Variants in CAPN2 observed in about 807,000 individuals in gnomAD.
CAPN2 encodes calpain-2 catalytic subunit.
CAPN2 carries 92 observed loss-of-function variants against 102.3 expected under a neutral mutation model. The ratio of observed to expected loss-of-function variants is 0.90; its 90% CI spans 0.76 to 1.07. The LOEUF is 1.07. Among genes scored for constraint, CAPN2 ranks in the 50% least tolerant of loss-of-function variants. CAPN2 has a pLI of 0.00. For synonymous variants in CAPN2, 340 were observed against 355.4 expected, an observed-to-expected ratio of 0.96 and a Z score of 0.49; for missense variants, 800 against 909.4, an observed-to-expected ratio of 0.88 and a Z score of 1.55.
At chr1:223,702,047 GA>G (rs1490169850) in intron 1 of CAPN2, among the ~76,000 whole-genome samples, 4 of 57,156 alleles carry the variant, frequency 7.0e-5, no homozygotes, top group African/African-American at 1.2e-4. Flanking sequence ...GGGAGGGAGG[GA>G]AGAAGGAAGG....
At chr1:223,716,996 A>C (rs1048355920) in intron 1 of CAPN2, among the ~76,000 whole-genome samples, 3 of 152,148 alleles carry the variant, frequency 2.0e-5, no homozygotes, top group Non-Finnish European at 4.4e-5. Flanking sequence ...TGGACACGTC[A>C]CTTCACCTTT....
At chr1:223,761,740 G>A in intron 13 of CAPN2, 123 bp downstream of exon 13, 3 of 798,704 alleles carry the variant, frequency 3.8e-6, no homozygotes, top group Non-Finnish European at 6.2e-6. Context: ...ATAAAGCCGG[G>A]TACTGGGAAT....
At position 223,759,959 on chromosome 1, in the gene CAPN2, T is replaced by C. The variant is rs902448363; in HGVS notation, c.1529+478T>C. 3.3e-5 allele frequency among the ~76,000 whole-genome samples: 5 copies of C among 152,102 alleles called. No homozygotes were observed. The highest frequency in any genetic ancestry group is 7.4e-5 in the Non-Finnish European group (5 of 68,002). On this transcript the variant is annotated intron_variant, in intron 12 of 20. Coordinates refer to ENST00000295006, the MANE Select transcript of CAPN2 (RefSeq NM_001748.5). This position sits in a 1 kb window ranked among gnomAD's most constrained non-coding sequence, Gnocchi z 4.6. Reference sequence around the variant, plus strand: ...TAGTTGTCATGTCACCAGCTCTCTCTCCCCTTCCTCATGGGATCCCACGTT... The same window carrying C: ...TAGTTGTCATGTCACCAGCTCTCTCCCCCCTTCCTCATGGGATCCCACGTT...
chr1:223,749,126 A>G lies in CAPN2; in HGVS notation c.813+4A>G. On this transcript the variant is annotated splice_donor_region_variant and intron_variant, in intron 6 of 20. Transcript: ENST00000295006. ...CTCGGTCACCGGAGCCGAGGAGGTA[A>G]CGGCCGGCGCGGATGTGCAGGGGTC... 3 of 1,613,614 alleles carry G rather than the reference A, an allele frequency of 1.9e-6. No individual in the cohort carries two copies. The highest frequency in any genetic ancestry group is 2.5e-6 in the Non-Finnish European group (3 of 1,179,594).
At chr1:223,714,353 A>T (rs1659821308) in intron 1 of CAPN2, among the ~76,000 whole-genome samples, 1 of 152,192 alleles carries the variant, frequency 6.6e-6, no homozygotes, top group Non-Finnish European at 1.5e-5. Context: ...GACAACACTG[A>T]TTGAGCACCT....
In CAPN2 at chr1:223,764,345, G is replaced by A. The variant is rs188477254; in HGVS notation, c.1690+138G>A. 4 of 710,702 alleles carry A rather than the reference G, an allele frequency of 5.6e-6. No homozygotes were observed. In the Admixed American group the frequency reaches 8.0e-5, roughly 14 times the overall value. 44.0% of individuals were successfully genotyped at this position (710,702 alleles called of 1,614,324 possible). On this transcript the variant is annotated intron_variant, in intron 15 of 20. Transcript: ENST00000295006. ...CCATCCCCTCCAAGAAGTGGATGAA[G>A]GATTTGTATGATGTGATGAAAAAGA...
Position 223,754,499 on chromosome 1 carries a change from G to A in CAPN2, c.1136-981G>A, listed in dbSNP as rs967930375. Among the ~76,000 whole-genome samples the A allele has an allele frequency of 3.9e-5, 6 of 152,228 alleles. No homozygotes were observed. The highest frequency in any genetic ancestry group is 1.2e-4 in the African/African-American group (5 of 41,456). On this transcript the variant is annotated intron_variant, in intron 9 of 20. Coordinates refer to ENST00000295006, the MANE Select transcript of CAPN2 (RefSeq NM_001748.5). The surrounding 1 kb of genome is among the most constrained non-coding windows in gnomAD (Gnocchi z 4.7). ...AGCCATACTTAAGCGAATGGCCGTG[G>A]CTACGTTCCAATAAAACGTTATTTA... is the stretch of plus-strand genomic sequence containing the variant.
chr1:223,716,466 C>T (rs1374304752), intron 1 of CAPN2, among the ~76,000 whole-genome samples: 3 of 152,116 alleles, frequency 2.0e-5, no homozygotes, highest in African/African-American at 7.2e-5. Flanking sequence ...TCTGCCATCC[C>T]CAAAACTGAC....
chr1:223,759,255 C>G lies in CAPN2; in HGVS notation c.1318-15C>G. 3 of 1,610,574 alleles carry G rather than the reference C, an allele frequency of 1.9e-6. No homozygotes were observed. Among genetic ancestry groups the G allele is most frequent in the South Asian group, 1.1e-5 (1 of 90,982 alleles). ...TCCCCTCATCTACCCCCATGTTTCT[C>G]TATTTATTCCTCAGTTAAGTGGGCA... On this transcript the variant is annotated splice_polypyrimidine_tract_variant and intron_variant, in intron 11 of 20. Coordinates refer to ENST00000295006, the MANE Select transcript of CAPN2 (RefSeq NM_001748.5). The surrounding 1 kb of genome is among the most constrained non-coding windows in gnomAD (Gnocchi z 4.6).
intron 2 of CAPN2, among the ~76,000 whole-genome samples, chr1:223,735,389 A>G (rs1015460895): frequency 1.3e-5 from 2 of 151,952 alleles, no homozygotes; most frequent in Non-Finnish European, 2.9e-5. Flanking sequence ...TTAGCTGGGC[A>G]TGGTGGTGGG....
chr1:223,760,873 A>G (rs1196891539), intron 12 of CAPN2, among the ~76,000 whole-genome samples: 1 of 152,168 alleles, frequency 6.6e-6, no homozygotes, highest in African/African-American at 2.4e-5. Flanking sequence ...TCTGCCAGGC[A>G]TTGGCCCTGC....
rs1048832193 is a variant in CAPN2, at chr1:223,759,582, T to A, written c.1529+101T>A. On this transcript the variant is annotated intron_variant, in intron 12 of 20. Coordinates refer to ENST00000295006, the MANE Select transcript of CAPN2 (RefSeq NM_001748.5). The surrounding 1 kb of genome is among the most constrained non-coding windows in gnomAD (Gnocchi z 4.6). ...GCTCTTTCATCCTCTGAATGTCAGTTACTTTTTCTGTAACACCTGCCCACC... is the reference window on the plus strand; with the variant it reads ...GCTCTTTCATCCTCTGAATGTCAGTAACTTTTTCTGTAACACCTGCCCACC... The A allele has an allele frequency of 2.5e-5, 23 of 934,446 alleles. No homozygotes were observed. Among genetic ancestry groups the A allele is most frequent in the Non-Finnish European group, 3.6e-5 (22 of 615,726 alleles). The allele number at this position is 934,446 out of a possible 1,614,324, so 57.9% of individuals were successfully genotyped here.
At chr1:223,714,402 C>T (rs1233306214) in intron 1 of CAPN2, among the ~76,000 whole-genome samples, 2 of 152,088 alleles carry the variant, frequency 1.3e-5, no homozygotes, top group African/African-American at 4.8e-5. Context: ...TCAGGAGATA[C>T]ACCAGTGAAC....
At chr1:223,736,898 G>C (rs1660468934) in intron 2 of CAPN2, among the ~76,000 whole-genome samples, 1 of 152,112 alleles carries the variant, frequency 6.6e-6, no homozygotes, top group African/African-American at 2.4e-5. Context: ...TTTTTAATTA[G>C]CTGGGCATGG....
rs1036109375 is a variant in CAPN2, at chr1:223,752,003, A to G, written c.906A>G (p.Pro302=). The change falls in exon 8 of 21, where the codon CCA becomes CCG. Residue 302 remains proline (P), a synonymous_variant. Transcript: ENST00000295006. ...EWTGRWNDNC[P]SWNTIDPEER... is the part of the protein sequence containing the mutation. The stretch of plus-strand genomic sequence containing the variant: ...TCTTTACTTTGTTTTCCAGCTGCCC[A>G]AGCTGGAACACTATAGACCCAGAGG... 12 of 1,603,928 alleles carry G rather than the reference A, an allele frequency of 7.5e-6. No individual in the cohort carries two copies. In the African/African-American group the frequency reaches 1.3e-4, roughly 18 times the overall value.
At position 223,745,327 on chromosome 1, in the gene CAPN2, G is replaced by T. The variant is rs369131658; in HGVS notation, c.448G>T (p.Val150Leu). Reference sequence around the variant, plus strand: ...GCAGTTCTGGCAATACGGCGAGTGGGTGGAGGTGGTGGTGGATGACAGGCT... The same window carrying T: ...GCAGTTCTGGCAATACGGCGAGTGGTTGGAGGTGGTGGTGGATGACAGGCT... Reference protein sequence around the residue: ...HFQFWQYGEWVEVVVDDRLPT... With the variant: ...HFQFWQYGEWLEVVVDDRLPT... The change falls in exon 4 of 21, where the codon GTG becomes TTG. Residue 150 changes from valine to leucine, a missense_variant. Coordinates refer to ENST00000295006, the MANE Select transcript of CAPN2 (RefSeq NM_001748.5). The T allele has an allele frequency of 3.1e-6, 5 of 1,614,090 alleles. No individual in the cohort carries two copies. In the African/African-American group the frequency reaches 5.3e-5, roughly 17 times the overall value.
intron 10 of CAPN2, 28 bp from the exon 11 acceptor site, chr1:223,757,341 T>C: frequency 6.2e-7 from 1 of 1,614,082 alleles, no homozygotes; most frequent in Non-Finnish European, 8.5e-7. Flanking sequence ...TTTTCCGGCA[T>C]CTGAATTGCA....
chr1:223,735,330 C>T (rs986899130), intron 2 of CAPN2, among the ~76,000 whole-genome samples: 1 of 152,020 alleles, frequency 6.6e-6, no homozygotes, highest in Admixed American at 6.6e-5. Flanking sequence ...GAGTTCAAGA[C>T]CAGCTTGGCC....
chr1:223,758,999 C>T (rs1661115089), intron 11 of CAPN2: 1 of 466,888 alleles, frequency 2.1e-6, no homozygotes, highest in East Asian at 4.1e-5. Context: ...CAAAAGTTTG[C>T]TTTTTATCTA....
Sources: allele counts gnomAD v4.1 joint callset (sites outside exome capture counted in the v4.1 genomes callset), GRCh38; gene constraint gnomAD v4.1.1; non-coding constraint Gnocchi (gnomAD v3.1); transcripts MANE v1.5; gene names NCBI Gene and HGNC (gene_info 2026-07-23, HGNC 2026-07-21).